Variants in NID1 observed in about 807,000 individuals in gnomAD.
NID1 encodes the protein nidogen 1, also known as nidogen-1.
Under a neutral mutation model 130.6 loss-of-function variants are expected in NID1, and 76 were observed. The ratio of observed to expected loss-of-function variants is 0.58; its 90% confidence interval spans 0.48 to 0.70. The LOEUF (loss-of-function observed/expected upper bound fraction) is 0.70, where lower values mean the gene tolerates loss of function less well. Ranked by LOEUF, NID1 falls within the 30% of genes least tolerant of loss-of-function variation. The pLI is 0.00. For synonymous variants in NID1, 665 were observed against 675.1 expected (o/e 0.98, Z 0.23); for missense variants, 1,517 against 1,664.8 (o/e 0.91, Z 1.54).
At chr1:236,027,648 G>C (rs1417538850) in intron 7 of NID1, among the ~76,000 whole-genome samples, 1 of 152,156 alleles carries the variant, frequency 6.6e-6, no homozygotes, top group Non-Finnish European at 1.5e-5. Flanking sequence ...GGGCAACATG[G>C]AGAAACCCTG....
chr1:236,013,305 A>G (rs1658486256), intron 11 of NID1, 106 bp downstream of exon 11: 3 of 1,242,578 alleles, frequency 2.4e-6, no homozygotes, highest in Non-Finnish European at 3.4e-6. Context: ...ATGACAGAAG[A>G]ATTCTTTCTT....
At chr1:236,013,980 TC>T (rs1658509917) in intron 10 of NID1, among the ~76,000 whole-genome samples, 1 of 152,146 alleles carries the variant, frequency 6.6e-6, no homozygotes, top group Non-Finnish European at 1.5e-5. Context: ...AGCTGAGACT[TC>T]CATGTGGTGT....
intron 7 of NID1, among the ~76,000 whole-genome samples, chr1:236,027,690 C>T (rs1467894982): frequency 6.6e-6 from 1 of 151,966 alleles, no homozygotes; most frequent in Non-Finnish European, 1.5e-5. Context: ...TTAGCCATGC[C>T]TGGTGGTAGG....
At chr1:236,021,280 C>T (rs1269792709) in intron 9 of NID1, among the ~76,000 whole-genome samples, 4 of 152,194 alleles carry the variant, frequency 2.6e-5, no homozygotes, top group Admixed American at 6.5e-5. Context: ...GGGAAACTGA[C>T]GATTGCAGGT....
intron 1 of NID1, among the ~76,000 whole-genome samples, chr1:236,049,264 G>T (rs937836880): frequency 4.6e-5 from 7 of 152,124 alleles, no homozygotes; most frequent in African/African-American, 1.7e-4. Context: ...ATTGGTGTGC[G>T]TACAAACATG....
intron 6 of NID1, among the ~76,000 whole-genome samples, chr1:236,031,529 T>C (rs1659101546): frequency 6.6e-6 from 1 of 152,258 alleles, no homozygotes; most frequent in Non-Finnish European, 1.5e-5. Context: ...ATGGAGACCC[T>C]GCTTCCAGCA....
At chr1:235,985,221 C>T (rs551175795) in intron 15 of NID1, among the ~76,000 whole-genome samples, 158 bp downstream of exon 15, 19 of 151,674 alleles carry the variant, frequency 1.3e-4, no homozygotes, top group Middle Eastern at 6.8e-3. Context: ...AAAAGTAGAA[C>T]GTGCCTAAAC....
At chr1:236,059,898 G>A (rs953369200) in intron 1 of NID1, among the ~76,000 whole-genome samples, 4 of 152,024 alleles carry the variant, frequency 2.6e-5, no homozygotes, top group African/African-American at 7.2e-5. Flanking sequence ...TCAAGAGATC[G>A]AGACCATCCT....
At chr1:236,041,793 G>A (rs1659459290) in intron 4 of NID1, 117 bp downstream of exon 4, 2 of 1,332,364 alleles carry the variant, frequency 1.5e-6, no homozygotes, top group Non-Finnish European at 2.0e-6. Context: ...ACTTTCCCAA[G>A]CTCTTATCTT....
rs368476817 is a variant in NID1, at chr1:235,979,089, G to A, written c.3528C>T (p.Leu1176=). 40 of 1,613,400 alleles carry A rather than the reference G, an allele frequency of 2.5e-5. No homozygotes were observed. The highest frequency in any genetic ancestry group is 3.1e-5 in the Non-Finnish European group (36 of 1,179,480). Residue 1176 remains leucine (L), a synonymous_variant, in exon 19 of 20, where the codon CTC becomes CTT. Coordinates refer to ENST00000264187, the MANE Select transcript of NID1 (RefSeq NM_002508.3). The surrounding 1 kb of genome is among the most constrained non-coding windows in gnomAD (Gnocchi z 4.6). ...TDWKMNSVVA[L]DLAISKETDA... Reference sequence around the variant, plus strand: ...CCGTCTCCTTGGAAATTGCAAGATCGAGAGCAACCACGGAATTCCTACAAA... The same window carrying A: ...CCGTCTCCTTGGAAATTGCAAGATCAAGAGCAACCACGGAATTCCTACAAA...
chr1:235,999,698 T>C (rs1572586200), intron 12 of NID1, among the ~76,000 whole-genome samples: 2 of 152,078 alleles, frequency 1.3e-5, no homozygotes, highest in South Asian at 4.2e-4. Context: ...TGGCAGGAAG[T>C]CTGGGGTGAC....
At chr1:235,995,262 T>C (rs1657889612) in intron 12 of NID1, among the ~76,000 whole-genome samples, 1 of 152,230 alleles carries the variant, frequency 6.6e-6, no homozygotes, top group South Asian at 2.1e-4. Context: ...GTACTAGGTA[T>C]TATAAGTGAT....
chr1:235,992,131 C>G (rs1188649470), intron 13 of NID1, among the ~76,000 whole-genome samples: 1 of 152,198 alleles, frequency 6.6e-6, no homozygotes, highest in African/African-American at 2.4e-5. Context: ...CCTGGCCCCT[C>G]TACTCACTCG....
At chr1:236,049,501 G>A (rs915995089) in intron 1 of NID1, among the ~76,000 whole-genome samples, 2 of 151,900 alleles carry the variant, frequency 1.3e-5, no homozygotes, top group African/African-American at 4.8e-5. Flanking sequence ...AGAAAGAAAA[G>A]AAAAATGGTT....
chr1:235,996,433 C>G (rs999705417), intron 12 of NID1, among the ~76,000 whole-genome samples: 45 of 152,010 alleles, frequency 3.0e-4, no homozygotes, highest in Admixed American at 5.3e-4. Flanking sequence ...TTAATTCTGT[C>G]CATTTTCACT....
chr1:236,027,728 T>C (rs1028919599), intron 7 of NID1, among the ~76,000 whole-genome samples: 12 of 151,738 alleles, frequency 7.9e-5, no homozygotes, highest in Non-Finnish European at 1.6e-4. Flanking sequence ...ATTTCAGAGG[T>C]GGAGGCAGGA....
At position 235,981,743 on chromosome 1, in the gene NID1, C is replaced by T; in HGVS notation, c.3095G>A (p.Gly1032Asp). ...SPEGIAVDHL[G>D]RNIFWTDSNL... ...AGAGTCTGTCCAGAAGATGTTGCGG[C>T]CAAGGTGATCAACAGCGATACCTTC... The change falls in exon 16 of 20, where the codon GGC becomes GAC. Residue 1032 changes from glycine to aspartate, a missense_variant. By Grantham distance (94) the Gly-to-Asp change is moderately conservative. Around this residue, in one of 3 missense-constraint regions of NID1, gnomAD observed 1,329 missense variants for 1,429.2 expected, o/e 0.93. Coordinates refer to ENST00000264187, the MANE Select transcript of NID1 (RefSeq NM_002508.3). The T allele has an allele frequency of 6.2e-7, 1 of 1,613,936 alleles. No individual in the cohort carries two copies. Among genetic ancestry groups the T allele is most frequent in the East Asian group, 2.2e-5 (1 of 44,882 alleles).
chr1:236,037,959 G>T, intron 5 of NID1, 145 bp downstream of exon 5: 1 of 940,090 alleles, frequency 1.1e-6, no homozygotes, highest in East Asian at 2.8e-5. Context: ...GAAAAAATGA[G>T]GAAAGAGAGA....
At chr1:236,045,802 C>T (rs1279522390) in intron 2 of NID1, 119 bp from the exon 3 acceptor site, 1 of 760,408 alleles carries the variant, frequency 1.3e-6, no homozygotes. Context: ...ATATTCTCAC[C>T]TTATTCTAAA....
Sources: gnomAD v4.1 joint callset for allele counts (sites outside exome capture counted in the v4.1 genomes callset) on GRCh38, gnomAD v4.1.1 for gene constraint, gnomAD v4.1.1 regional missense constraint, Gnocchi (gnomAD v3.1) non-coding constraint, MANE v1.5 for transcripts, NCBI Gene and HGNC (gene_info 2026-07-23, HGNC 2026-07-21) for gene names.